ATP13A4: variants seen among roughly 807,000 people sequenced by gnomAD.
ATP13A4 encodes the protein probable cation-transporting ATPase 13A4.
In ATP13A4, 114 loss-of-function variants were observed where a neutral mutation model predicts 142.5. The ratio of observed to expected loss-of-function variants is 0.80; its 90% CI spans 0.69 to 0.93. The LOEUF (loss-of-function observed/expected upper bound fraction) is 0.93. Ranked by LOEUF, ATP13A4 falls within the 40% of genes least tolerant of loss-of-function variation. ATP13A4 has a pLI of 0.00. For missense variants in ATP13A4, 1,392 were observed against 1,454.0 expected (o/e 0.96, Z 0.69); for synonymous variants, 488 against 514.8 (o/e 0.95, Z 0.70).
intron 2 of ATP13A4, among the ~76,000 whole-genome samples, chr3:193,563,108 A>C (rs1724053735): frequency 6.6e-6 from 1 of 152,212 alleles, no homozygotes; most frequent in African/African-American, 2.4e-5. Context: ...GGGAAAAAAT[A>C]GTGTTAGAAG....
intron 21 of ATP13A4, among the ~76,000 whole-genome samples, chr3:193,439,934 A>G (rs1182700226): frequency 1.3e-5 from 2 of 152,150 alleles, no homozygotes; most frequent in Non-Finnish European, 2.9e-5. Context: ...TTGTTGTGAC[A>G]CGATGACCAA....
chr3:193,486,093 TAATA>T (rs1482443755), intron 7 of ATP13A4, among the ~76,000 whole-genome samples: 2 of 150,208 alleles, frequency 1.3e-5, no homozygotes, highest in Non-Finnish European at 3.0e-5. Flanking sequence ...TTAAATTAAT[TAATA>T]AATATTTTAT....
intron 27 of ATP13A4, 55 bp downstream of exon 27, chr3:193,412,123 G>A: frequency 6.7e-7 from 1 of 1,484,898 alleles, no homozygotes; most frequent in Non-Finnish European, 9.4e-7. Context: ...ACCTGGACAT[G>A]TCTGTTCCCC....
chr3:193,509,401 A>G (rs1441076225), intron 2 of ATP13A4, among the ~76,000 whole-genome samples: 2 of 152,232 alleles, frequency 1.3e-5, no homozygotes, highest in Admixed American at 6.5e-5. Context: ...ACACTTGCCC[A>G]TGAGCCAGCA....
At chr3:193,573,301 A>ATGTG (rs1560287358) in intron 2 of ATP13A4, among the ~76,000 whole-genome samples, 6 of 78,992 alleles carry the variant, frequency 7.6e-5, no homozygotes, top group African/African-American at 1.6e-4. Flanking sequence ...ACATATATAT[A>ATGTG]TATATACATA....
At chr3:193,431,760 CATAT>C (rs770964956) in intron 25 of ATP13A4, among the ~76,000 whole-genome samples, 5 of 141,736 alleles carry the variant, frequency 3.5e-5, no homozygotes, top group African/African-American at 9.9e-5. Context: ...ATATGTTTCC[CATAT>C]ATATATATGT....
At chr3:193,452,724 A>G (rs542831165) in intron 17 of ATP13A4, among the ~76,000 whole-genome samples, 83 of 149,670 alleles carry the variant, frequency 5.5e-4, no homozygotes, top group Non-Finnish European at 6.2e-4. Context: ...GTATAATAAT[A>G]TACTTTAGGC....
intron 3 of ATP13A4, among the ~76,000 whole-genome samples, chr3:193,496,461 C>T (rs1720230992): frequency 6.6e-6 from 1 of 152,142 alleles, no homozygotes; most frequent in Non-Finnish European, 1.5e-5. Flanking sequence ...GCCAAGAACA[C>T]ACAATGGATA....
intron 2 of ATP13A4, among the ~76,000 whole-genome samples, chr3:193,573,292 C>CATATATATATATTCATATAT: frequency 9.3e-6 from 1 of 107,860 alleles, no homozygotes; most frequent in Admixed American, 9.0e-5. Flanking sequence ...TATATATACA[C>CATATATATATATTCATATAT]ATATATATAT....
intron 7 of ATP13A4, among the ~76,000 whole-genome samples, chr3:193,486,085 A>T (rs1248149469): frequency 5.3e-5 from 8 of 150,026 alleles, no homozygotes; most frequent in Admixed American, 1.3e-4. Flanking sequence ...TTATTATTTT[A>T]AATTAATTAA....
chr3:193,470,956 A>T lies in ATP13A4; in HGVS notation c.846T>A (p.Pro282=). 6.2e-7 allele frequency: 1 copy of T among 1,614,038 alleles called. No homozygotes were observed. Among genetic ancestry groups the T allele is most frequent in the East Asian group, 2.2e-5 (1 of 44,864 alleles). Residue 282 remains proline, a synonymous_variant, in exon 9 of 30, where the codon CCT becomes CCA. Transcript: ENST00000342695. ...TCCCTGTCAAAATTAATAAATCTCC[A>T]GGCACCAGGACGCGTGATTCCAGCT... The part of the protein sequence containing the change: ...VQELESRVLV[P]GDLLILTGNK...
chr3:193,474,909 A>C (rs1718876596), intron 8 of ATP13A4, among the ~76,000 whole-genome samples: 1 of 152,066 alleles, frequency 6.6e-6, no homozygotes, highest in Non-Finnish European at 1.5e-5. Context: ...GTAAGTTTTA[A>C]ATTACTTTCT....
intron 21 of ATP13A4, 99 bp from the exon 22 acceptor site, chr3:193,439,164 C>T (rs562683272): frequency 8.6e-6 from 11 of 1,277,790 alleles, no homozygotes; most frequent in South Asian, 1.2e-5. Flanking sequence ...AGGGTTCAAA[C>T]TCATTATTTA....
At chr3:193,481,569 A>T (rs941207411) in intron 8 of ATP13A4, among the ~76,000 whole-genome samples, 18 of 152,176 alleles carry the variant, frequency 1.2e-4, no homozygotes, top group African/African-American at 4.1e-4. Flanking sequence ...TATTTTTTAA[A>T]ACAGAGCTAC....
At chr3:193,580,826 A>G (rs1303951276) in intron 2 of ATP13A4, among the ~76,000 whole-genome samples, 1 of 152,202 alleles carries the variant, frequency 6.6e-6, no homozygotes, top group African/African-American at 2.4e-5. Context: ...TTCAAAACAG[A>G]AAGAAAAAAC....
chr3:193,451,126 T>G (rs2108631027), intron 17 of ATP13A4, among the ~76,000 whole-genome samples: 1 of 152,282 alleles, frequency 6.6e-6, no homozygotes, highest in African/African-American at 2.4e-5. Flanking sequence ...GGGTCTCTTC[T>G]TCAGCCTCTT....
At chr3:193,425,779 G>A (rs558042217) in intron 25 of ATP13A4, among the ~76,000 whole-genome samples, 47 of 151,716 alleles carry the variant, frequency 3.1e-4, no homozygotes, top group African/African-American at 1.1e-3. Flanking sequence ...TTCAATAGGA[G>A]GAATAAGTTC....
At chr3:193,583,611 G>C (rs1403191054) in intron 1 of ATP13A4, among the ~76,000 whole-genome samples, 1 of 151,384 alleles carries the variant, frequency 6.6e-6, no homozygotes, top group African/African-American at 2.4e-5. Flanking sequence ...TGTTACAGTA[G>C]AAAGATCCAA....
chr3:193,402,710 C>T lies in ATP13A4; in HGVS notation c.3533G>A (p.Cys1178Tyr). The change falls in exon 30 of 30, where the codon TGT becomes TAT. Residue 1178 changes from cysteine to tyrosine, a missense_variant. Cys to Tyr is a radical substitution (Grantham distance 194). Coordinates refer to ENST00000342695, the MANE Select transcript of ATP13A4 (RefSeq NM_032279.4). ...ATTGCTGTAAGACACTCCTCTGCCACACTCCGGCATGTCAGAGTGGGAGGT... is the reference window on the plus strand; with the variant it reads ...ATTGCTGTAAGACACTCCTCTGCCATACTCCGGCATGTCAGAGTGGGAGGT... ...NQTSHSDMPE[C>Y]GRGVSYSNPV... 1 of 1,431,950 alleles carries T rather than the reference C, an allele frequency of 7.0e-7. No individual in the cohort carries two copies. Among genetic ancestry groups the T allele is most frequent in the Non-Finnish European group, 9.9e-7 (1 of 1,013,870 alleles). 88.7% of individuals were successfully genotyped at this position (1,431,950 alleles called of 1,614,324 possible).
Sources: allele counts gnomAD v4.1 joint callset (sites outside exome capture counted in the v4.1 genomes callset), GRCh38; gene constraint gnomAD v4.1.1; transcripts MANE v1.5; gene names NCBI Gene and HGNC (gene_info 2026-07-23, HGNC 2026-07-21).